COL28A1: variants seen among roughly 807,000 people sequenced by gnomAD.
COL28A1 encodes the protein collagen alpha-1(XXVIII) chain.
Under a neutral mutation model 150.2 loss-of-function variants are expected in COL28A1, and 161 were observed. The ratio of observed to expected loss-of-function variants is 1.07; its 90% confidence interval spans 0.94 to 1.22. The LOEUF (loss-of-function observed/expected upper bound fraction) is 1.22. COL28A1 is among the 50% of genes most tolerant of loss of function. The pLI is 0.00. For synonymous variants in COL28A1, 552 were observed against 469.7 expected (o/e 1.18, Z -2.26); for missense variants, 1,617 against 1,388.3 (o/e 1.16, Z -2.62).
intron 13 of COL28A1, among the ~76,000 whole-genome samples, chr7:7,483,996 A>T (rs1490155375): frequency 6.6e-6 from 1 of 152,166 alleles, no homozygotes; most frequent in African/African-American, 2.4e-5. Flanking sequence ...TCCAATTGCA[A>T]CCAAATATCT....
intron 9 of COL28A1, among the ~76,000 whole-genome samples, chr7:7,509,334 G>C (rs1780997729): frequency 1.3e-5 from 2 of 152,100 alleles, no homozygotes; most frequent in Admixed American, 1.3e-4. Context: ...TGTTGCCCAG[G>C]CTGGTCTCAA....
Position 7,391,227 on chromosome 7 carries a change from G to A in COL28A1, c.2137-9615C>T, listed in dbSNP as rs143389415. Among the ~76,000 whole-genome samples the A allele has an allele frequency of 5.3e-5, 8 of 151,918 alleles. No individual in the cohort carries two copies. In the East Asian group the frequency reaches 7.7e-4, roughly 15 times the overall value. ...ACTTATTTATCTCTGCCTTAATTTCGTTATTTACCCAGTAGTCATTCAGCA... is the reference window on the plus strand; with the variant it reads ...ACTTATTTATCTCTGCCTTAATTTCATTATTTACCCAGTAGTCATTCAGCA... On this transcript the variant is annotated intron_variant, in intron 27 of 34. Coordinates refer to ENST00000399429, the MANE Select transcript of COL28A1 (RefSeq NM_001037763.3).
At chr7:7,450,715 A>G (rs991298779) in intron 18 of COL28A1, among the ~76,000 whole-genome samples, 1 of 152,244 alleles carries the variant, frequency 6.6e-6, no homozygotes, top group Non-Finnish European at 1.5e-5. Context: ...CGTGTGCAAA[A>G]GGAAACAGAA....
In COL28A1 at chr7:7,446,627, T is replaced by C. The variant is rs182276680; in HGVS notation, c.1510-2138A>G. Among the ~76,000 whole-genome samples, 62 of 152,314 alleles carry C rather than the reference T, an allele frequency of 4.1e-4. No homozygotes were observed. In the Middle Eastern group the frequency reaches 0.01, roughly 25 times the overall value. ...TTATTTTATGAGGCTTATAAAGCCTTTTCAAAAACAATTATACAATGGCAA... is the reference window on the plus strand; with the variant it reads ...TTATTTTATGAGGCTTATAAAGCCTCTTCAAAAACAATTATACAATGGCAA... On this transcript the variant is annotated intron_variant, in intron 18 of 34. Coordinates refer to ENST00000399429, the MANE Select transcript of COL28A1 (RefSeq NM_001037763.3).
At chr7:7,411,401 T>G (rs1042134969) in intron 27 of COL28A1, among the ~76,000 whole-genome samples, 20 of 152,100 alleles carry the variant, frequency 1.3e-4, no homozygotes, top group Admixed American at 8.5e-4. Flanking sequence ...GACCCACCCA[T>G]CTTCACACCC....
chr7:7,505,307 C>G (rs1780748964), intron 11 of COL28A1, among the ~76,000 whole-genome samples: 1 of 152,170 alleles, frequency 6.6e-6, no homozygotes, highest in African/African-American at 2.4e-5. Flanking sequence ...CCACTCAAAT[C>G]ACTAAGTCGA....
At chr7:7,386,750 G>A (rs1184037522) in intron 27 of COL28A1, among the ~76,000 whole-genome samples, 4 of 152,146 alleles carry the variant, frequency 2.6e-5, no homozygotes, top group South Asian at 2.1e-4. Context: ...GTCAGGAGTA[G>A]GCTTCCCTTG....
At chr7:7,392,933 C>G (rs969155488) in intron 27 of COL28A1, among the ~76,000 whole-genome samples, 2 of 152,112 alleles carry the variant, frequency 1.3e-5, no homozygotes, top group Admixed American at 1.3e-4. Flanking sequence ...GCTCCTTTAG[C>G]TCAGAGGAGT....
intron 27 of COL28A1, among the ~76,000 whole-genome samples, chr7:7,409,565 T>G (rs1783669822): frequency 6.6e-6 from 1 of 152,188 alleles, no homozygotes; most frequent in African/African-American, 2.4e-5. Context: ...AATGAAATCT[T>G]TCACATGATT....
Position 7,419,968 on chromosome 7 carries a change from C to T in COL28A1, c.1999-15G>A. On this transcript the variant is annotated splice_polypyrimidine_tract_variant and intron_variant, in intron 25 of 34. Transcript: ENST00000399429. ...CCAGGCTCTCCCTGAAAAGACACAACAAATAACAAGTTACTAATTTTTTAA... is the reference window on the plus strand; with the variant it reads ...CCAGGCTCTCCCTGAAAAGACACAATAAATAACAAGTTACTAATTTTTTAA... 6.4e-7 allele frequency: 1 copy of T among 1,555,322 alleles called. No homozygotes were observed. The highest frequency in any genetic ancestry group is 1.4e-5 in the African/African-American group (1 of 71,480).
intron 33 of COL28A1, among the ~76,000 whole-genome samples, chr7:7,362,954 T>C (rs1193712883): frequency 6.6e-6 from 1 of 152,092 alleles, no homozygotes; most frequent in Non-Finnish European, 1.5e-5. Context: ...ATTGGCCTCC[T>C]GAGCTCAGCA....
At chr7:7,419,294 C>CA (rs1329501547) in intron 26 of COL28A1, among the ~76,000 whole-genome samples, 1 of 152,112 alleles carries the variant, frequency 6.6e-6, no homozygotes, top group Non-Finnish European at 1.5e-5. Flanking sequence ...CTACTACAAC[C>CA]AAAAAATGTC....
intron 25 of COL28A1, among the ~76,000 whole-genome samples, chr7:7,425,619 C>T (rs1784610479): frequency 6.6e-6 from 1 of 152,172 alleles, no homozygotes; most frequent in Admixed American, 6.5e-5. Flanking sequence ...TCTTCTTATC[C>T]ATCCTACAAT....
intron 6 of COL28A1, 32 bp from the exon 7 acceptor site, chr7:7,517,869 C>T: frequency 6.2e-7 from 1 of 1,613,068 alleles, no homozygotes; most frequent in Non-Finnish European, 8.5e-7. Context: ...AAAAATTCCA[C>T]AGCCCTGAAG....
the COL28A1 span, among the ~76,000 whole-genome samples, chr7:7,344,935 G>T: frequency 6.6e-6 from 1 of 151,818 alleles, no homozygotes; most frequent in Non-Finnish European, 1.5e-5. Flanking sequence ...TTATTACAGC[G>T]CAAGATCAAA....
intron 3 of COL28A1, among the ~76,000 whole-genome samples, chr7:7,525,857 T>TA (rs1192442165): frequency 6.6e-6 from 1 of 152,108 alleles, no homozygotes; most frequent in African/African-American, 2.4e-5. Context: ...TCTCCATATA[T>TA]AAAAAAGGAC....
intron 34 of COL28A1, 48 bp downstream of exon 34, chr7:7,360,342 C>A: frequency 6.7e-7 from 1 of 1,491,228 alleles, no homozygotes. Flanking sequence ...CAAATCTGTG[C>A]ACAAGACTGT....
At chr7:7,421,164 C>CA (rs1183947234) in intron 25 of COL28A1, among the ~76,000 whole-genome samples, 1 of 152,048 alleles carries the variant, frequency 6.6e-6, no homozygotes, top group Non-Finnish European at 1.5e-5. Context: ...GAATAAATGC[C>CA]ATAACATGAA....
At position 7,501,900 on chromosome 7, in the gene COL28A1, GT is replaced by G. The variant is rs533433676; in HGVS notation, c.1026+4113del. On this transcript the variant is annotated intron_variant, in intron 11 of 34. Transcript: ENST00000399429. Reference sequence around the variant, plus strand: ...ATTTCCGAGACTATTGAGACGTTCCGTTTTTTTTCTTTTGAGACAGAGTCTC... The same window carrying G: ...ATTTCCGAGACTATTGAGACGTTCCGTTTTTTTCTTTTGAGACAGAGTCTC... Among the ~76,000 whole-genome samples the G allele has an allele frequency of 1.3e-3, 201 of 151,850 alleles. 4 individuals are homozygous for G. Among genetic ancestry groups the G allele is most frequent in the African/African-American group, 4.5e-3 (186 of 41,416 alleles).
Sources: allele counts gnomAD v4.1 joint callset (sites outside exome capture counted in the v4.1 genomes callset), GRCh38; gene constraint gnomAD v4.1.1; transcripts MANE v1.5; gene names NCBI Gene and HGNC (gene_info 2026-07-23, HGNC 2026-07-21).